ASCC3: variants seen among roughly 807,000 people sequenced by gnomAD.
ASCC3 encodes the protein activating signal cointegrator 1 complex subunit 3.
ASCC3 carries 158 observed loss-of-function variants against 256.3 expected under a neutral mutation model. The ratio of observed to expected loss-of-function variants is 0.62; its 90% CI spans 0.54 to 0.70. The LOEUF (loss-of-function observed/expected upper bound fraction) is 0.70. ASCC3 is among the 30% of genes least tolerant of loss of function. The pLI is 0.00. For missense variants in ASCC3, 2,259 were observed against 2,626.0 expected, an observed-to-expected ratio of 0.86 and a Z score of 3.05; for synonymous variants, 948 against 883.4, an observed-to-expected ratio of 1.07 and a Z score of -1.30.
intron 32 of ASCC3, 87 bp downstream of exon 32, chr6:100,606,653 G>A: frequency 1.4e-6 from 2 of 1,399,428 alleles, no homozygotes; most frequent in Non-Finnish European, 9.6e-7. Context: ...AAGTTTAATT[G>A]GTGGAAATTC....
At chr6:100,724,751 T>C (rs1365734156) in intron 11 of ASCC3, among the ~76,000 whole-genome samples, 1 of 151,892 alleles carries the variant, frequency 6.6e-6, no homozygotes, top group Non-Finnish European at 1.5e-5. Flanking sequence ...CAAAATACTA[T>C]TGTATAAGAA....
At chr6:100,631,563 C>T (rs960029858) in intron 25 of ASCC3, among the ~76,000 whole-genome samples, 12 of 151,612 alleles carry the variant, frequency 7.9e-5, no homozygotes, top group African/African-American at 2.7e-4. Flanking sequence ...TGAGATAATA[C>T]ACTATAAGAG....
intron 27 of ASCC3, among the ~76,000 whole-genome samples, chr6:100,628,560 A>G (rs1311893210): frequency 6.6e-6 from 1 of 151,956 alleles, no homozygotes; most frequent in East Asian, 1.9e-4. Flanking sequence ...TAGTTGTTTA[A>G]AAGTGTGTAG....
intron 10 of ASCC3, among the ~76,000 whole-genome samples, chr6:100,756,662 G>C (rs1273614900): frequency 6.6e-6 from 1 of 152,030 alleles, no homozygotes. Context: ...TTCTAAGGCT[G>C]GGCTTCTCTC....
At chr6:100,807,911 A>G (rs2114372903) in intron 4 of ASCC3, among the ~76,000 whole-genome samples, 2 of 152,054 alleles carry the variant, frequency 1.3e-5, no homozygotes, top group Middle Eastern at 3.4e-3. Flanking sequence ...GAGGCTTTCT[A>G]TGTAACATCA....
chr6:100,540,517 G>C (rs1407199802), intron 36 of ASCC3, 130 bp from the exon 37 acceptor site: 3 of 771,320 alleles, frequency 3.9e-6, no homozygotes, highest in African/African-American at 3.5e-5. Context: ...AATTTTGCTT[G>C]TTCAATATTA....
intron 30 of ASCC3, among the ~76,000 whole-genome samples, chr6:100,615,802 C>T (rs1290995161): frequency 6.6e-6 from 1 of 152,176 alleles, no homozygotes; most frequent in Non-Finnish European, 1.5e-5. Flanking sequence ...CAAGGCCCAA[C>T]TGGTTTCAAA....
rs535437463 is a variant in ASCC3 at position 100,808,865 on chromosome 6, C to T, written c.802-2985G>A. ...TATGGTGTAGCCTATTTATCTTAGG[C>T]TACCAACCTGTACACCATGCTACTA... On this transcript the variant is annotated intron_variant, in intron 4 of 41. Coordinates refer to ENST00000369162, the MANE Select transcript of ASCC3 (RefSeq NM_006828.4). Among the ~76,000 whole-genome samples the T allele has an allele frequency of 1.0e-3, 153 of 152,018 alleles. 1 individual carries two copies. Among genetic ancestry groups the T allele is most frequent in the African/African-American group, 3.5e-3 (144 of 41,510 alleles).
At chr6:100,846,255 T>C (rs1360717109) in intron 4 of ASCC3, among the ~76,000 whole-genome samples, 2 of 152,114 alleles carry the variant, frequency 1.3e-5, no homozygotes, top group South Asian at 2.1e-4. Flanking sequence ...AAAATTATAC[T>C]GAAAATTTGC....
intron 17 of ASCC3, among the ~76,000 whole-genome samples, chr6:100,654,344 G>A (rs1382529736): frequency 1.1e-4 from 17 of 150,678 alleles, no homozygotes. Flanking sequence ...ACGTATAAAG[G>A]TACTATGTAT....
At chr6:100,815,514 A>C (rs1228257172) in intron 4 of ASCC3, among the ~76,000 whole-genome samples, 1 of 152,074 alleles carries the variant, frequency 6.6e-6, no homozygotes, top group Non-Finnish European at 1.5e-5. Context: ...CTGACTTCAA[A>C]CTACTACATG....
chr6:100,568,752 AATTATT>A (rs111974347), intron 36 of ASCC3, among the ~76,000 whole-genome samples: 12,836 of 139,518 alleles, frequency 0.092, 1,111 homozygotes, highest in East Asian at 0.28. Context: ...CTTAGTCATA[AATTATT>A]ATTATTATTA....
At chr6:100,665,596 C>T (rs553617429) in intron 14 of ASCC3, among the ~76,000 whole-genome samples, 4 of 151,754 alleles carry the variant, frequency 2.6e-5, no homozygotes, top group East Asian at 1.9e-4. Flanking sequence ...AAAAAATAGC[C>T]GGGCATGGTG....
chr6:100,535,792 T>C (rs759109122), intron 37 of ASCC3, among the ~76,000 whole-genome samples: 8 of 152,184 alleles, frequency 5.3e-5, no homozygotes, highest in Non-Finnish European at 1.0e-4. Flanking sequence ...CTCTTTACAA[T>C]GCAGTTTTCT....
rs867468074 is a variant in ASCC3, at chr6:100,851,517, T to C, written c.242-2810A>G. On this transcript the variant is annotated intron_variant, in intron 3 of 41. Coordinates refer to ENST00000369162, the MANE Select transcript of ASCC3 (RefSeq NM_006828.4). ...CCCATGTTTGAAGAGAAAATAATTG[T>C]AGACTCACAGAAACATCAACAAAGA... Among the ~76,000 whole-genome samples the C allele has an allele frequency of 2.6e-5, 4 of 152,226 alleles. 1 individual carries two copies. In the South Asian group the frequency reaches 6.2e-4, roughly 24 times the overall value.
At chr6:100,724,640 G>T (rs138619412) in intron 11 of ASCC3, among the ~76,000 whole-genome samples, 87 of 151,974 alleles carry the variant, frequency 5.7e-4, no homozygotes, top group African/African-American at 2.0e-3. Context: ...GGGTATGCTT[G>T]TGGTGGGAAG....
chr6:100,568,768 ATTAT>A (rs1770412891), intron 36 of ASCC3, among the ~76,000 whole-genome samples: 1 of 146,548 alleles, frequency 6.8e-6, no homozygotes, highest in African/African-American at 2.5e-5. Context: ...TATTATTATT[ATTAT>A]TATTATTATT....
chr6:100,859,695 T>C (rs921870220), intron 3 of ASCC3, among the ~76,000 whole-genome samples: 2 of 152,034 alleles, frequency 1.3e-5, no homozygotes. Context: ...GCCACTCCTG[T>C]CCAACCTACC....
At chr6:100,658,354 T>A (rs1196599216) in intron 16 of ASCC3, among the ~76,000 whole-genome samples, 1 of 151,446 alleles carries the variant, frequency 6.6e-6, no homozygotes, top group Non-Finnish European at 1.5e-5. Context: ...TTTAAGGTTA[T>A]CTCAATTGTT....
Sources: gnomAD v4.1 joint callset for allele counts (sites outside exome capture counted in the v4.1 genomes callset) on GRCh38, gnomAD v4.1.1 for gene constraint, MANE v1.5 for transcripts, NCBI Gene and HGNC (gene_info 2026-07-23, HGNC 2026-07-21) for gene names.